Variants in CLIC5 observed in about 807,000 individuals in gnomAD.
The protein encoded by CLIC5 is chloride intracellular channel protein 5.
In CLIC5, 20 loss-of-function variants were observed where a neutral mutation model predicts 24.7. The observed-to-expected ratio is 0.81, with a 90% CI of 0.57 to 1.18. The LOEUF (loss-of-function observed/expected upper bound fraction) is 1.18. Among genes scored for constraint, CLIC5 ranks in the 50% most tolerant of loss-of-function variants. The pLI, the probability that CLIC5 is intolerant of heterozygous loss-of-function variation, is 0.00. For missense variants in CLIC5, 341 were observed against 326.1 expected (o/e 1.05, Z -0.35); for synonymous variants, 159 against 135.6 (o/e 1.17, Z -1.20).
At chr6:45,882,292 C>A (rs1020279280) in intron 6 of CLIC5, among the ~76,000 whole-genome samples, 2 of 152,256 alleles carry the variant, frequency 1.3e-5, no homozygotes, top group Middle Eastern at 3.2e-3. Flanking sequence ...GCCACAATAG[C>A]ATTCCTTCAA....
rs146637520 is a variant in CLIC5 at position 46,052,481 on chromosome 6, G to C, written c.540+27222C>G. On this transcript the variant is annotated intron_variant, in intron 1 of 5. Coordinates refer to the CLIC5 transcript ENST00000185206. ...CTTCTGGAAGAGAGAAGATAGGTAG[G>C]AAAATGTTGAGAGATAATAGAGTAC... Among the ~76,000 whole-genome samples, 269 of 152,320 alleles carry C rather than the reference G, an allele frequency of 1.8e-3. 1 individual carries two copies. Among genetic ancestry groups the C allele is most frequent in the African/African-American group, 5.8e-3 (242 of 41,560 alleles).
chr6:46,029,548 C>T (rs1012633990), intron 1 of CLIC5, among the ~76,000 whole-genome samples: 2 of 152,152 alleles, frequency 1.3e-5, no homozygotes, highest in East Asian at 3.9e-4. Context: ...GTTGTCTCTC[C>T]TAAAACCTGG....
At chr6:45,887,924 G>T (rs1263335149) in intron 6 of CLIC5, among the ~76,000 whole-genome samples, 1 of 152,216 alleles carries the variant, frequency 6.6e-6, no homozygotes, top group African/African-American at 2.4e-5. Flanking sequence ...AAAAATCAAT[G>T]AATGTTAATG....
rs181536318 is a variant in CLIC5, at chr6:45,995,562, T to C, written c.63+19918A>G. Among the ~76,000 whole-genome samples the C allele has an allele frequency of 4.5e-4, 69 of 152,350 alleles. 1 individual carries two copies. Among genetic ancestry groups the C allele is most frequent in the African/African-American group, 1.6e-3 (67 of 41,566 alleles). ...ACTGGGTTGACATTTCTGTTTTCTCTATTAAAAGCATCCCAAATAATGTAC... is the reference window on the plus strand; with the variant it reads ...ACTGGGTTGACATTTCTGTTTTCTCCATTAAAAGCATCCCAAATAATGTAC... On this transcript the variant is annotated intron_variant, in intron 1 of 5. Coordinates refer to ENST00000339561, the MANE Select transcript of CLIC5 (RefSeq NM_016929.5).
At chr6:46,114,474 T>C in the CLIC5 span, among the ~76,000 whole-genome samples, 1 of 152,206 alleles carries the variant, frequency 6.6e-6, no homozygotes, top group South Asian at 2.1e-4. Flanking sequence ...TATCAGCATG[T>C]ATCTAGCTAC....
intron 6 of CLIC5, among the ~76,000 whole-genome samples, chr6:45,893,287 C>A (rs1459957686): frequency 6.6e-6 from 1 of 150,904 alleles, no homozygotes; most frequent in African/African-American, 2.4e-5. Flanking sequence ...TGATAAGAGG[C>A]AGAATCGTGT....
At chr6:46,066,176 C>T (rs888083059) in intron 1 of CLIC5, among the ~76,000 whole-genome samples, 1 of 152,060 alleles carries the variant, frequency 6.6e-6, no homozygotes, top group Non-Finnish European at 1.5e-5. Flanking sequence ...AAACTTAGAA[C>T]CAGGCAAACA....
intron 1 of CLIC5, among the ~76,000 whole-genome samples, chr6:46,002,048 A>T (rs1766382389): frequency 6.6e-6 from 1 of 152,138 alleles, no homozygotes; most frequent in Non-Finnish European, 1.5e-5. Context: ...CAGCAGCTTT[A>T]TTCTCACCTC....
At chr6:46,038,735 C>T (rs62400490) in intron 1 of CLIC5, among the ~76,000 whole-genome samples, 1 of 152,256 alleles carries the variant, frequency 6.6e-6, no homozygotes, top group East Asian at 1.9e-4. Context: ...TGGGGACATG[C>T]CTTTCTGAAA....
chr6:45,990,909 C>G (rs1765913854), intron 1 of CLIC5, among the ~76,000 whole-genome samples: 1 of 152,192 alleles, frequency 6.6e-6, no homozygotes, highest in African/African-American at 2.4e-5. Context: ...GGGACTGGAT[C>G]TCTGAAACTC....
intron 5 of CLIC5, among the ~76,000 whole-genome samples, chr6:45,904,943 C>T (rs902934152): frequency 2.6e-5 from 4 of 151,900 alleles, no homozygotes; most frequent in African/African-American, 9.7e-5. Flanking sequence ...GTACCTATTG[C>T]TTAGCTCCTA....
the CLIC5 span, among the ~76,000 whole-genome samples, chr6:46,116,126 A>G: frequency 6.6e-6 from 1 of 152,296 alleles, no homozygotes; most frequent in East Asian, 1.9e-4. Context: ...TATAACCATT[A>G]GCAAGACCAC....
At chr6:45,991,304 T>C (rs752392527) in intron 1 of CLIC5, among the ~76,000 whole-genome samples, 112 of 152,194 alleles carry the variant, frequency 7.4e-4, no homozygotes, top group Non-Finnish European at 1.5e-3. Context: ...CAAGCTACTA[T>C]CATGTGAATT....
At chr6:45,998,467 A>C (rs969350797) in intron 1 of CLIC5, among the ~76,000 whole-genome samples, 2 of 152,206 alleles carry the variant, frequency 1.3e-5, no homozygotes, top group African/African-American at 4.8e-5. Context: ...TTCTGTCTAC[A>C]TCCAGGGCTT....
At chr6:46,034,644 C>T (rs1261043017) in intron 1 of CLIC5, among the ~76,000 whole-genome samples, 3 of 152,202 alleles carry the variant, frequency 2.0e-5, no homozygotes, top group Admixed American at 6.5e-5. Context: ...GTAGCTCAAG[C>T]TTTGGGCACT....
At chr6:46,079,097 C>A (rs1434321584) in intron 1 of CLIC5, among the ~76,000 whole-genome samples, 1 of 152,098 alleles carries the variant, frequency 6.6e-6, no homozygotes, top group African/African-American at 2.4e-5. Flanking sequence ...ATAACCATAA[C>A]TTTATTACTT....
chr6:45,954,730 A>C (rs1330999704), intron 2 of CLIC5, among the ~76,000 whole-genome samples: 1 of 152,204 alleles, frequency 6.6e-6, no homozygotes, highest in Non-Finnish European at 1.5e-5. Context: ...AGCATGGGAA[A>C]GGGTCTAGAT....
intron 1 of CLIC5, among the ~76,000 whole-genome samples, chr6:45,997,512 G>GAAAAAAAAAAAAAAA (rs201284615): frequency 7.7e-6 from 1 of 130,254 alleles, no homozygotes. Context: ...AATAATAAAA[G>GAAAAAAAAAAAAAAA]AAAAAAAAAA....
chr6:45,891,270 C>T (rs189586706), intron 6 of CLIC5, among the ~76,000 whole-genome samples: 1 of 152,240 alleles, frequency 6.6e-6, no homozygotes, highest in Admixed American at 6.5e-5. Flanking sequence ...AAAACACATT[C>T]TGCTTCTATT....
Sources: allele counts gnomAD v4.1 joint callset (sites outside exome capture counted in the v4.1 genomes callset), GRCh38; gene constraint gnomAD v4.1.1; transcripts MANE v1.5; gene names NCBI Gene and HGNC (gene_info 2026-07-23, HGNC 2026-07-21).